The following SHF variants were observed in gnomAD, a reference collection of about 807,000 sequenced individuals.
SHF encodes Src homology 2 domain containing F, also known as SH2 domain-containing adapter protein F.
SHF carries 30 observed loss-of-function variants against 42.4 expected under a neutral mutation model. The ratio of observed to expected loss-of-function variants is 0.71; its 90% CI spans 0.53 to 0.96. SHF has a LOEUF of 0.96. Among genes scored for constraint, SHF ranks in the 40% least tolerant of loss-of-function variants. The pLI is 0.00. For synonymous variants in SHF, 264 were observed against 269.9 expected, an observed-to-expected ratio of 0.98 and a Z score of 0.21; for missense variants, 598 against 634.0, an observed-to-expected ratio of 0.94 and a Z score of 0.61.
intron 6 of SHF, among the ~76,000 whole-genome samples, 162 bp from the exon 7 acceptor site, chr15:45,168,295 G>A (rs1445915789): frequency 1.3e-5 from 2 of 152,186 alleles, no homozygotes; most frequent in African/African-American, 4.8e-5. Flanking sequence ...AGAAAGCAGG[G>A]GTGGTGGTGG....
intron 1 of SHF, among the ~76,000 whole-genome samples, chr15:45,186,151 A>T (rs1184953697): frequency 6.6e-6 from 1 of 152,266 alleles, no homozygotes; most frequent in Non-Finnish European, 1.5e-5. Flanking sequence ...GGGGACAAGA[A>T]GCAGACGAGC....
chr15:45,197,195 G>A (rs1898892241), intron 2 of SHF, among the ~76,000 whole-genome samples: 1 of 142,302 alleles, frequency 7.0e-6, no homozygotes, highest in South Asian at 2.2e-4. Flanking sequence ...GCTGCAGTAA[G>A]CCAAAATTGC....
intron 2 of SHF, among the ~76,000 whole-genome samples, chr15:45,196,043 C>T (rs763426365): frequency 1.3e-5 from 2 of 150,792 alleles, no homozygotes; most frequent in African/African-American, 2.4e-5. Flanking sequence ...AATTAGTTGC[C>T]GATATTTAAA....
In SHF at chr15:45,177,111, G is replaced by A. The variant is rs114837363; in HGVS notation, c.640+1054C>T. On this transcript the variant is annotated intron_variant, in intron 2 of 6. Coordinates refer to ENST00000690270, the MANE Select transcript of SHF (RefSeq NM_001394037.1). ...CCACCTCTCCCAAGTAGGAAGAGCAGTTTATTGTATTGGTCAGTGAATGCA... is the reference window on the plus strand; with the variant it reads ...CCACCTCTCCCAAGTAGGAAGAGCAATTTATTGTATTGGTCAGTGAATGCA... Among the ~76,000 whole-genome samples the A allele has an allele frequency of 5.6e-3, 854 of 152,292 alleles. 10 individuals are homozygous for A. Among genetic ancestry groups the A allele is most frequent in the African/African-American group, 0.02 (816 of 41,564 alleles).
At chr15:45,195,064 TC>T (rs1232082401) in intron 2 of SHF, among the ~76,000 whole-genome samples, 4 of 152,060 alleles carry the variant, frequency 2.6e-5, no homozygotes, top group Non-Finnish European at 5.9e-5. Flanking sequence ...ACTCTTGAGT[TC>T]AAGTGATCCT....
intron 2 of SHF, among the ~76,000 whole-genome samples, chr15:45,196,141 A>G (rs1210634676): frequency 2.3e-5 from 3 of 130,376 alleles, no homozygotes; most frequent in Non-Finnish European, 4.6e-5. Context: ...TCTGTCACCT[A>G]GGCTGGAGTG....
chr15:45,170,690 G>A (rs1897436099), intron 6 of SHF: 5 of 285,828 alleles, frequency 1.7e-5, no homozygotes, highest in Non-Finnish European at 3.3e-5. Context: ...TGCTGTTGTT[G>A]GCCTGGGCTG....
At chr15:45,200,645 G>A in intron 1 of SHF, 1 of 443,788 alleles carries the variant, frequency 2.3e-6, no homozygotes, top group East Asian at 7.0e-5. Flanking sequence ...CTGCTTTCTC[G>A]ATTTTGGTCC....
chr15:45,173,089 G>A (rs1269370944), intron 4 of SHF, among the ~76,000 whole-genome samples: 1 of 152,240 alleles, frequency 6.6e-6, no homozygotes, highest in Admixed American at 6.5e-5. Context: ...ACACCCTTGG[G>A]TGCCCATTCT....
chr15:45,170,645 C>A, intron 6 of SHF: 1 of 220,932 alleles, frequency 4.5e-6, no homozygotes, highest in Non-Finnish European at 8.5e-6. Flanking sequence ...TTATCTTTTT[C>A]TTTTTTTTTT....
At chr15:45,199,206 TC>T (rs1898983406) in intron 1 of SHF, 1 of 1,057,544 alleles carries the variant, frequency 9.5e-7, no homozygotes, top group Non-Finnish European at 1.3e-6. Context: ...CCTCTCATAC[TC>T]CCCTGACAGC....
upstream of SHF, among the ~76,000 whole-genome samples, chr15:45,191,930 A>G (rs1256836722): frequency 7.0e-6 from 1 of 142,996 alleles, no homozygotes; most frequent in African/African-American, 2.5e-5. Context: ...TCTCTATTTA[A>G]AAAAAAAAAA....
In SHF at chr15:45,178,541, T is replaced by TC. The variant is rs1020825744; in HGVS notation, c.499-236_499-235insG. On this transcript the variant is annotated intron_variant, in intron 1 of 6. Coordinates refer to ENST00000690270, the MANE Select transcript of SHF (RefSeq NM_001394037.1). The stretch of plus-strand genomic sequence containing the variant: ...GTACCTCTTTCCTTCTTTCTTTTTT[T>TC]TTTTTTTTTTTGAGACAGAGTCTCA... Among the ~76,000 whole-genome samples, 146 of 148,684 alleles carry TC rather than the reference T, an allele frequency of 9.8e-4. 3 individuals carry two copies. In the South Asian group the frequency reaches 0.029, roughly 30 times the overall value.
At chr15:45,175,075 C>A in intron 3 of SHF, 144 bp downstream of exon 3, 5 of 875,292 alleles carry the variant, frequency 5.7e-6, no homozygotes, top group Admixed American at 5.8e-5. Context: ...AACCCCACCC[C>A]CTATGGTACA....
rs773714085 is a variant in SHF at position 45,168,045 on chromosome 15, C to A, written c.1369G>T (p.Val457Phe). The change falls in exon 7 of 7, where the codon GTC becomes TTC. Residue 457 changes from valine (V) to phenylalanine (F), a missense_variant. Val to Phe is a conservative substitution (Grantham distance 50, BLOSUM62 -1). Transcript: ENST00000690270. The stretch of plus-strand genomic sequence containing the variant: ...GCATAGTGGTGCACAATTTCAGGGA[C>A]GCTGCTGAAGGGCGGGCTGTTCTGG... ...LGQNSPPFSS[V>F]PEIVHHYASR... 6.2e-7 allele frequency: 1 copy of A among 1,613,684 alleles called. No individual in the cohort carries two copies. Among genetic ancestry groups the A allele is most frequent in the African/African-American group, 1.3e-5 (1 of 75,036 alleles).
At chr15:45,196,781 C>G (rs917068462) in intron 2 of SHF, among the ~76,000 whole-genome samples, 7 of 151,816 alleles carry the variant, frequency 4.6e-5, no homozygotes, top group Non-Finnish European at 4.4e-5. Flanking sequence ...CGCCTGTAGC[C>G]CCAGCTACTC....
In SHF at chr15:45,170,383, C is replaced by T. The variant is rs77164851; in HGVS notation, c.1280+1500G>A. On this transcript the variant is annotated intron_variant, in intron 6 of 6. Coordinates refer to ENST00000690270, the MANE Select transcript of SHF (RefSeq NM_001394037.1). ...TCCATGAACTTTATAATTTTTAAAG[C>T]AATACACATTTCTGAGGTTATGTAA... The T allele has an allele frequency of 4.3e-3, 5,509 of 1,287,624 alleles. 224 individuals carry two copies. The African/African-American group carries it at 0.078, about 18-fold the overall frequency. 79.8% of individuals were successfully genotyped at this position (1,287,624 alleles called of 1,614,324 possible).
Position 45,178,225 on chromosome 15 carries a change from C to G in SHF, c.580G>C (p.Glu194Gln). The change falls in exon 2 of 7, where the codon GAG (glutamate) becomes CAG (glutamine). Residue 194 changes from glutamate to glutamine, a missense_variant. Coordinates refer to ENST00000690270, the MANE Select transcript of SHF (RefSeq NM_001394037.1). ...TAGCCATCATTTTCAGGGACCTTCT[C>G]TGGGGCTCCTGAAGCTCCTGCTGAG... ...EGSAGASGAP[E>Q]KVPENDGYME... 1 of 1,613,938 alleles carries G rather than the reference C, an allele frequency of 6.2e-7. No individual in the cohort carries two copies. The highest frequency in any genetic ancestry group is 1.3e-5 in the African/African-American group (1 of 75,046).
chr15:45,189,985 T>TTAGGA (rs1898669493), upstream of SHF, among the ~76,000 whole-genome samples: 1 of 152,146 alleles, frequency 6.6e-6, no homozygotes, highest in Non-Finnish European at 1.5e-5. Context: ...CTGCTTGTAT[T>TTAGGA]TAGGACAGTG....
Sources: gnomAD v4.1 joint callset for allele counts (sites outside exome capture counted in the v4.1 genomes callset) on GRCh38, gnomAD v4.1.1 for gene constraint, MANE v1.5 for transcripts, NCBI Gene and HGNC (gene_info 2026-07-23, HGNC 2026-07-21) for gene names.